Variants in DCLRE1C observed in about 807,000 individuals in gnomAD.
The protein encoded by DCLRE1C is protein artemis.
A neutral mutation model predicts 61.4 loss-of-function variants in DCLRE1C; 47 were observed. That is an observed-to-expected ratio of 0.77 (90% confidence interval 0.61 to 0.98). The LOEUF is 0.98. Ranked by LOEUF, DCLRE1C falls within the 50% of genes least tolerant of loss-of-function variation. The pLI is 0.00. For synonymous variants in DCLRE1C, 337 were observed against 287.6 expected (o/e 1.17, Z -1.74); for missense variants, 858 against 816.0 (o/e 1.05, Z -0.63).
intron 13 of DCLRE1C, among the ~76,000 whole-genome samples, chr10:14,910,588 C>T (rs150439022): frequency 6.6e-6 from 1 of 152,174 alleles, no homozygotes; most frequent in Non-Finnish European, 1.5e-5. Context: ...GCCACTTTGC[C>T]TAGCCCAAAA....
chr10:14,943,950 C>A (rs1220249393), intron 3 of DCLRE1C, among the ~76,000 whole-genome samples: 2 of 152,024 alleles, frequency 1.3e-5, no homozygotes, highest in African/African-American at 4.8e-5. Flanking sequence ...ACTTTTTCTG[C>A]CTTCTTTGCA....
At chr10:14,913,040 A>G (rs185774127) in intron 13 of DCLRE1C, among the ~76,000 whole-genome samples, 112 of 150,770 alleles carry the variant, frequency 7.4e-4, no homozygotes, top group Non-Finnish European at 7.5e-4. Context: ...TGTTTTTAGT[A>G]GAGACGGGGT....
chr10:14,913,022 A>T (rs1307593551), intron 13 of DCLRE1C, among the ~76,000 whole-genome samples: 3 of 146,222 alleles, frequency 2.1e-5, no homozygotes, highest in Non-Finnish European at 4.5e-5. Context: ...CACCTGGCTA[A>T]TTTTTTGTGT....
intron 2 of DCLRE1C, 79 bp downstream of exon 2, chr10:14,948,957 G>T: frequency 1.0e-6 from 1 of 970,184 alleles, no homozygotes; most frequent in Non-Finnish European, 1.7e-6. Flanking sequence ...TATATGCTTG[G>T]ATGTATATAC....
At chr10:14,947,258 G>A (rs1261843053) in intron 2 of DCLRE1C, among the ~76,000 whole-genome samples, 1 of 152,008 alleles carries the variant, frequency 6.6e-6, no homozygotes, top group Non-Finnish European at 1.5e-5. Context: ...ATGCCAAATG[G>A]TTCTAGCCCC....
chr10:14,929,472 T>C (rs2130870227), intron 9 of DCLRE1C, among the ~76,000 whole-genome samples: 1 of 146,024 alleles, frequency 6.8e-6, no homozygotes, highest in South Asian at 2.2e-4. Context: ...TGGGATTCCA[T>C]CTCTACAAAA....
chr10:14,920,224 T>G (rs562585418), intron 12 of DCLRE1C, among the ~76,000 whole-genome samples: 5 of 152,286 alleles, frequency 3.3e-5, no homozygotes, highest in Non-Finnish European at 7.4e-5. Flanking sequence ...ACAATATAAC[T>G]AGCTGCTTCT....
chr10:14,946,158 C>T (rs186404544), intron 2 of DCLRE1C, among the ~76,000 whole-genome samples: 2 of 151,040 alleles, frequency 1.3e-5, no homozygotes, highest in Non-Finnish European at 2.9e-5. Flanking sequence ...ACATGCGCAC[C>T]ACCACGCCCA....
At chr10:14,916,382 A>C (rs557622175) in intron 13 of DCLRE1C, among the ~76,000 whole-genome samples, 1 of 152,382 alleles carries the variant, frequency 6.6e-6, no homozygotes, top group East Asian at 1.9e-4. Flanking sequence ...GAGATTAGCA[A>C]GGTTGCAGGA....
chr10:14,933,068 T>G, intron 8 of DCLRE1C, 113 bp from the exon 9 acceptor site: 1 of 1,227,200 alleles, frequency 8.1e-7, no homozygotes, highest in East Asian at 2.4e-5. Context: ...CTCTCTTCTT[T>G]CTTGAAAAGT....
At chr10:14,898,229 T>G (rs1833739467) in exon 14 of DCLRE1C, 1 of 143,728 alleles carries the variant, frequency 7.0e-6, no homozygotes, top group Non-Finnish European at 1.5e-5. Flanking sequence ...TTTTTTTTTT[T>G]TGAGAAGTAG....
At chr10:14,923,190 G>C (rs1837405737) in intron 11 of DCLRE1C, 121 bp from the exon 12 acceptor site, 1 of 765,464 alleles carries the variant, frequency 1.3e-6, no homozygotes, top group Non-Finnish European at 2.2e-6. Context: ...TCTCAATGCT[G>C]GCTGCACGTG....
At chr10:14,940,997 C>T (rs751726748) in intron 3 of DCLRE1C, among the ~76,000 whole-genome samples, 1 of 152,216 alleles carries the variant, frequency 6.6e-6, no homozygotes, top group Non-Finnish European at 1.5e-5. Flanking sequence ...ATTCTCCTGC[C>T]TCACCCTCCT....
rs200899641 is a variant in DCLRE1C at position 14,934,552 on chromosome 10, G to T, written c.538-32C>A. 43 of 1,613,996 alleles carry T rather than the reference G, an allele frequency of 2.7e-5. No individual in the cohort carries two copies. The African/African-American group carries it at 3.3e-4, about 13-fold the overall frequency. ...AGGATTTTAAAGAGACATTTAACAG[G>T]TGGAGAGCCGCACATAGCCTTTTCC... On this transcript the variant is annotated intron_variant, in intron 7 of 13. Coordinates refer to ENST00000378278, the MANE Select transcript of DCLRE1C (RefSeq NM_001033855.3).
chr10:14,937,893 C>CA (rs749452841), intron 4 of DCLRE1C, among the ~76,000 whole-genome samples: 2,737 of 38,400 alleles, frequency 0.071, 79 homozygotes, highest in East Asian at 0.12. Context: ...GGCTCAGTCT[C>CA]AAAAAAAAAA....
rs1387246392 is a variant in DCLRE1C at position 14,909,067 on chromosome 10, C to T, written c.1420G>A (p.Gly474Ser). The change falls in exon 14 of 14, where the codon GGC becomes AGC. Residue 474 changes from glycine to serine, a missense_variant. Around this residue, in one of 2 missense-constraint regions of DCLRE1C, gnomAD observed 843 missense variants for 783.5 expected, o/e 1.08. Transcript: ENST00000378278. Reference protein sequence around the residue: ...GIPASLQGDLGSVLHLQKADG... With the variant: ...GIPASLQGDLSSVLHLQKADG... ...GCCTTTTGCAGGTGAAGTACAGAGC[C>T]CAGATCTCCTTGCAGTGAAGCTGGG... is the stretch of plus-strand genomic sequence containing the variant. The T allele has an allele frequency of 6.2e-7, 1 of 1,614,036 alleles. No homozygotes were observed. Among genetic ancestry groups the T allele is most frequent in the East Asian group, 2.2e-5 (1 of 44,900 alleles).
chr10:14,907,820 A>T lies in DCLRE1C; in HGVS notation c.*588T>A. 1 of 138,514 alleles carries T rather than the reference A, an allele frequency of 7.2e-6. No homozygotes were observed. The allele number at this position is 138,514 out of a possible 1,614,324, so 8.6% of individuals were successfully genotyped here. On this transcript the variant is annotated 3_prime_UTR_variant, in exon 14 of 14. Transcript: ENST00000378278. ...TAGACCATTTACATTTAATGTAATC[A>T]TTGATACGTATGGGTTTAGTTCTAC...
chr10:14,916,385 T>A (rs1836192064), intron 13 of DCLRE1C, among the ~76,000 whole-genome samples: 1 of 152,176 alleles, frequency 6.6e-6, no homozygotes, highest in South Asian at 2.1e-4. Flanking sequence ...ATTAGCAAGG[T>A]TGCAGGATAC....
chr10:14,911,367 C>G (rs961276178), intron 13 of DCLRE1C: 10 of 152,198 alleles, frequency 6.6e-5, no homozygotes, highest in Admixed American at 5.2e-4. Flanking sequence ...AAAGATCAAA[C>G]TATAAACATG....
Sources: allele counts gnomAD v4.1 joint callset (sites outside exome capture counted in the v4.1 genomes callset), GRCh38; gene constraint gnomAD v4.1.1; regional missense constraint gnomAD v4.1.1; transcripts MANE v1.5; gene names NCBI Gene and HGNC (gene_info 2026-07-23, HGNC 2026-07-21).